COL4A3: variants seen among roughly 807,000 people sequenced by gnomAD.
COL4A3 encodes the protein collagen type IV alpha 3 chain, also known as collagen alpha-3(IV) chain.
In COL4A3, 135 loss-of-function variants were observed where a neutral mutation model predicts 217.4. The observed-to-expected ratio is 0.62, with a 90% CI of 0.54 to 0.72. COL4A3 has a LOEUF of 0.72. Ranked by LOEUF, COL4A3 falls within the 30% of genes least tolerant of loss-of-function variation. The pLI is 0.00. For synonymous variants in COL4A3, 690 were observed against 736.3 expected, an observed-to-expected ratio of 0.94 and a Z score of 1.02; for missense variants, 1,868 against 2,119.9, an observed-to-expected ratio of 0.88 and a Z score of 2.33.
intron 1 of COL4A3, among the ~76,000 whole-genome samples, chr2:227,194,248 T>C (rs1057010133): frequency 6.6e-6 from 1 of 152,182 alleles, no homozygotes; most frequent in Non-Finnish European, 1.5e-5. Context: ...GAGACACTGT[T>C]TACAAAGGTG....
chr2:227,206,109 T>C (rs2067091544), intron 1 of COL4A3, among the ~76,000 whole-genome samples: 1 of 152,076 alleles, frequency 6.6e-6, no homozygotes, highest in African/African-American at 2.4e-5. Flanking sequence ...AGTCTCACTC[T>C]GTTGCCCAGG....
At chr2:227,205,209 A>T (rs988403546) in intron 1 of COL4A3, among the ~76,000 whole-genome samples, 5 of 152,130 alleles carry the variant, frequency 3.3e-5, no homozygotes, top group Non-Finnish European at 7.4e-5. Context: ...AGACTACAAA[A>T]AATGTTATGA....
At position 227,225,793 on chromosome 2, in the gene COL4A3, C is replaced by A. The variant is rs2068058080; in HGVS notation, c.88-12175C>A. ...GTGATGTAACCTCTGCTTACTGCAA[C>A]CTCCACCTCCCAGGTTGAAGCGATT... On this transcript the variant is annotated intron_variant, in intron 1 of 51. Coordinates refer to ENST00000396578, the MANE Select transcript of COL4A3 (RefSeq NM_000091.5). 4.0e-5 allele frequency among the ~76,000 whole-genome samples: 6 copies of A among 150,876 alleles called. No individual in the cohort carries two copies. The South Asian group carries it at 1.3e-3, about 32-fold the overall frequency.
chr2:227,290,697 A>C, intron 36 of COL4A3, 50 bp from the exon 37 acceptor site: 2 of 1,593,048 alleles, frequency 1.3e-6, no homozygotes, highest in Non-Finnish European at 1.7e-6. Context: ...AGAAAACTTC[A>C]AGATCCTCAT....
chr2:227,194,078 A>G (rs1223068610), intron 1 of COL4A3, among the ~76,000 whole-genome samples: 5 of 81,964 alleles, frequency 6.1e-5, no homozygotes, highest in Non-Finnish European at 1.3e-4. Context: ...GGAAGTAAGG[A>G]GAGAGGGAGG....
intron 1 of COL4A3, among the ~76,000 whole-genome samples, chr2:227,199,001 C>A (rs138745997): frequency 2.1e-4 from 32 of 152,028 alleles, no homozygotes; most frequent in Admixed American, 1.8e-3. Flanking sequence ...GATGGCCCTG[C>A]GGAGTCACAG....
intron 47 of COL4A3, among the ~76,000 whole-genome samples, chr2:227,307,055 A>C (rs969075726): frequency 6.6e-6 from 1 of 152,198 alleles, no homozygotes; most frequent in African/African-American, 2.4e-5. Context: ...GCCTTGTCCA[A>C]ATCCATACTC....
chr2:227,211,794 A>G (rs886078157), intron 1 of COL4A3, among the ~76,000 whole-genome samples: 3 of 152,016 alleles, frequency 2.0e-5, no homozygotes, highest in African/African-American at 7.3e-5. Context: ...AGTAGCTGGG[A>G]TTACAGGGGT....
chr2:227,263,514 T>A (rs561814307), intron 20 of COL4A3, among the ~76,000 whole-genome samples: 14 of 152,240 alleles, frequency 9.2e-5, no homozygotes, highest in Non-Finnish European at 2.1e-4. Context: ...ATAAAAAGAC[T>A]ATAGTGCATC....
chr2:227,261,534 T>G (rs1256708100), intron 20 of COL4A3, among the ~76,000 whole-genome samples: 1 of 152,160 alleles, frequency 6.6e-6, no homozygotes, highest in Non-Finnish European at 1.5e-5. Context: ...CAAAATAAAA[T>G]AAAACAGTGT....
At chr2:227,200,754 G>C (rs1239750002) in intron 1 of COL4A3, among the ~76,000 whole-genome samples, 1 of 152,128 alleles carries the variant, frequency 6.6e-6, no homozygotes, top group African/African-American at 2.4e-5. Flanking sequence ...ACTTGTTTCT[G>C]TCATAAGTAA....
chr2:227,256,270 A>C, intron 16 of COL4A3, 73 bp from the exon 17 acceptor site: 1 of 1,405,444 alleles, frequency 7.1e-7, no homozygotes, highest in Non-Finnish European at 1.0e-6. Flanking sequence ...GAGGAGTTCA[A>C]ATTGCACCTG....
intron 3 of COL4A3, among the ~76,000 whole-genome samples, chr2:227,242,439 G>A (rs1275335475): frequency 6.6e-6 from 1 of 152,084 alleles, no homozygotes; most frequent in Non-Finnish European, 1.5e-5. Flanking sequence ...CATGCTTCAG[G>A]GATTCTTATG....
intron 4 of COL4A3, 40 bp downstream of exon 4, chr2:227,244,404 C>A: frequency 6.4e-7 from 1 of 1,560,814 alleles, no homozygotes; most frequent in Non-Finnish European, 8.8e-7. Flanking sequence ...GTTAAAAGAT[C>A]AGCTTTTCAC....
intron 1 of COL4A3, among the ~76,000 whole-genome samples, chr2:227,196,526 C>A (rs1487068583): frequency 2.0e-5 from 3 of 151,948 alleles, no homozygotes; most frequent in African/African-American, 7.3e-5. Context: ...ACCGTGATAG[C>A]CAGGATGGTC....
intron 6 of COL4A3, 149 bp from the exon 7 acceptor site, chr2:227,246,536 T>C: frequency 4.3e-6 from 3 of 693,984 alleles, no homozygotes; most frequent in Non-Finnish European, 7.8e-6. Flanking sequence ...TTTTTTGGTC[T>C]TCAGCCTCAT....
chr2:227,241,940 G>A (rs183044741), intron 3 of COL4A3, among the ~76,000 whole-genome samples: 17 of 152,232 alleles, frequency 1.1e-4, no homozygotes, highest in Middle Eastern at 3.4e-3. Flanking sequence ...CCTGGGTCAC[G>A]CAGCTCACAG....
chr2:227,200,829 A>G (rs576919461), intron 1 of COL4A3, among the ~76,000 whole-genome samples: 4 of 152,354 alleles, frequency 2.6e-5, no homozygotes, highest in African/African-American at 9.6e-5. Context: ...GTACAATTAC[A>G]ATTGAACAAT....
intron 2 of COL4A3, chr2:227,238,256 C>A: frequency 2.6e-6 from 1 of 379,064 alleles, no homozygotes; most frequent in South Asian, 3.1e-5. Context: ...ACAACTCTCT[C>A]GGTCTGTAAA....
Sources: gnomAD v4.1 joint callset for allele counts (sites outside exome capture counted in the v4.1 genomes callset) on GRCh38, gnomAD v4.1.1 for gene constraint, MANE v1.5 for transcripts, NCBI Gene and HGNC (gene_info 2026-07-23, HGNC 2026-07-21) for gene names.